UBE2E2: variants seen among roughly 807,000 people sequenced by gnomAD.
The protein encoded by UBE2E2 is ubiquitin conjugating enzyme E2 E2.
A neutral mutation model predicts 24.7 loss-of-function variants in UBE2E2; 6 were observed. That is an observed-to-expected ratio of 0.24 (90% CI 0.13 to 0.48). The LOEUF is 0.48. Among genes scored for constraint, UBE2E2 ranks in the 20% least tolerant of loss-of-function variants. UBE2E2 has a pLI of 0.99. For missense variants in UBE2E2, 169 were observed against 245.0 expected, an observed-to-expected ratio of 0.69 and a Z score of 2.07; for synonymous variants, 104 against 83.6, an observed-to-expected ratio of 1.24 and a Z score of -1.33.
At chr3:23,352,047 T>C (rs1195555013) in intron 3 of UBE2E2, among the ~76,000 whole-genome samples, 1 of 152,164 alleles carries the variant, frequency 6.6e-6, no homozygotes, top group Non-Finnish European at 1.5e-5. Flanking sequence ...CAGACCTCAG[T>C]GCAATCAAAC....
At chr3:23,422,566 C>T (rs1018628430) in intron 3 of UBE2E2, among the ~76,000 whole-genome samples, 4 of 152,194 alleles carry the variant, frequency 2.6e-5, no homozygotes, top group African/African-American at 9.7e-5. Flanking sequence ...GTGATGCTGT[C>T]TTCTGAGTCC....
In UBE2E2 at chr3:23,558,601, T is replaced by G. The variant is rs149024549; in HGVS notation, c.508+25900T>G. On this transcript the variant is annotated intron_variant, in intron 5 of 5. Coordinates refer to ENST00000396703, the MANE Select transcript of UBE2E2 (RefSeq NM_152653.4). The stretch of plus-strand genomic sequence containing the variant: ...TCATGGTTAATTTATAGAATCTTAT[T>G]CTTACTGTAACTTTTAAATTGGAGG... 2.3e-3 allele frequency among the ~76,000 whole-genome samples: 349 copies of G among 152,318 alleles called. 3 individuals carry two copies. The highest frequency in any genetic ancestry group is 8.0e-3 in the African/African-American group (333 of 41,580).
chr3:23,314,330 A>T (rs1694509165), intron 3 of UBE2E2, among the ~76,000 whole-genome samples: 1 of 152,044 alleles, frequency 6.6e-6, no homozygotes, highest in Admixed American at 6.6e-5. Context: ...TGATTTCATC[A>T]TGTTGTCCAG....
At chr3:23,340,577 C>A (rs1695353370) in intron 3 of UBE2E2, among the ~76,000 whole-genome samples, 1 of 151,956 alleles carries the variant, frequency 6.6e-6, no homozygotes, top group South Asian at 2.1e-4. Flanking sequence ...CACGTGAAAA[C>A]CATTTAATTT....
At chr3:23,386,611 A>C (rs1424222223) in intron 3 of UBE2E2, among the ~76,000 whole-genome samples, 1 of 152,228 alleles carries the variant, frequency 6.6e-6, no homozygotes, top group Non-Finnish European at 1.5e-5. Context: ...TCATGGATTT[A>C]TTTAAATGTA....
At chr3:23,578,487 A>C (rs1696396925) in intron 5 of UBE2E2, among the ~76,000 whole-genome samples, 5 of 152,252 alleles carry the variant, frequency 3.3e-5, no homozygotes, top group Admixed American at 2.6e-4. Flanking sequence ...ACATATGCTC[A>C]TTGCAGCACT....
At chr3:23,539,490 G>A (rs1695340106) in intron 5 of UBE2E2, among the ~76,000 whole-genome samples, 1 of 152,186 alleles carries the variant, frequency 6.6e-6, no homozygotes, top group African/African-American at 2.4e-5. Flanking sequence ...GGCCTTTGGA[G>A]AAATTACTTC....
At chr3:23,203,679 C>T (rs1269780855) in intron 1 of UBE2E2, among the ~76,000 whole-genome samples, 1 of 139,062 alleles carries the variant, frequency 7.2e-6, no homozygotes. Flanking sequence ...ACCCCTCCCC[C>T]TTCTTCCCAT....
chr3:23,556,454 T>TTAAA (rs1553620573), intron 5 of UBE2E2, among the ~76,000 whole-genome samples: 5 of 94,334 alleles, frequency 5.3e-5, no homozygotes, highest in South Asian at 6.2e-4. Flanking sequence ...AAAATTTATT[T>TTAAA]AAAAAAAAAA....
rs913711491 is a variant in UBE2E2, at chr3:23,522,288, G to A, written c.361-10266G>A. On this transcript the variant is annotated intron_variant, in intron 4 of 5. Coordinates refer to ENST00000396703, the MANE Select transcript of UBE2E2 (RefSeq NM_152653.4). Reference sequence around the variant, plus strand: ...TGGGACTACAGGCGCCCGCCACCACGCCCGGCTAATTTTGTGCATTTTTAG... The same window carrying A: ...TGGGACTACAGGCGCCCGCCACCACACCCGGCTAATTTTGTGCATTTTTAG... Among the ~76,000 whole-genome samples the A allele has an allele frequency of 4.0e-5, 6 of 151,872 alleles. No individual in the cohort carries two copies. The South Asian group carries it at 6.3e-4, about 16-fold the overall frequency.
At position 23,378,989 on chromosome 3, in the gene UBE2E2, G is replaced by A. The variant is rs528082820; in HGVS notation, c.228-120619G>A. On this transcript the variant is annotated intron_variant, in intron 3 of 5. Transcript: ENST00000396703. The stretch of plus-strand genomic sequence containing the variant: ...TTGCTGACATTTGTGCAACCCCTAT[G>A]TTGTGATCCATATACTTCTCAGTGA... Among the ~76,000 whole-genome samples the A allele has an allele frequency of 2.0e-5, 3 of 152,274 alleles. 1 individual carries two copies. The highest frequency in any genetic ancestry group is 7.2e-5 in the African/African-American group (3 of 41,544).
At chr3:23,365,222 G>A (rs1696222676) in intron 3 of UBE2E2, among the ~76,000 whole-genome samples, 1 of 152,158 alleles carries the variant, frequency 6.6e-6, no homozygotes, top group South Asian at 2.1e-4. Flanking sequence ...ACAAGGCAAG[G>A]ATGCCAACTC....
intron 3 of UBE2E2, among the ~76,000 whole-genome samples, chr3:23,493,301 T>C (rs1699538925): frequency 6.6e-6 from 1 of 152,192 alleles, no homozygotes. Flanking sequence ...CGAGAGCCTA[T>C]TTTCATGATT....
chr3:23,396,347 CATTTT>C (rs1445973289), intron 3 of UBE2E2, among the ~76,000 whole-genome samples: 7 of 127,250 alleles, frequency 5.5e-5, no homozygotes, highest in East Asian at 2.4e-4. Context: ...ATATATATAG[CATTTT>C]ATTTTATCTA....
intron 3 of UBE2E2, among the ~76,000 whole-genome samples, chr3:23,350,285 A>G (rs548705369): frequency 6.6e-6 from 1 of 152,356 alleles, no homozygotes; most frequent in African/African-American, 2.4e-5. Flanking sequence ...AAAGATGGGG[A>G]GAAAACAGAG....
At chr3:23,236,924 C>T (rs1697128616) in intron 3 of UBE2E2, among the ~76,000 whole-genome samples, 1 of 152,184 alleles carries the variant, frequency 6.6e-6, no homozygotes, top group Non-Finnish European at 1.5e-5. Context: ...CTTTCATTTG[C>T]TCTTCAAGGC....
chr3:23,352,251 T>C (rs1303859892), intron 3 of UBE2E2, among the ~76,000 whole-genome samples: 2 of 151,988 alleles, frequency 1.3e-5, no homozygotes, highest in Admixed American at 1.3e-4. Context: ...GAGGGAAATT[T>C]ATAGCACTAA....
At chr3:23,437,908 A>C (rs956383817) in intron 3 of UBE2E2, among the ~76,000 whole-genome samples, 5 of 152,224 alleles carry the variant, frequency 3.3e-5, no homozygotes, top group Admixed American at 3.3e-4. Context: ...GAAATCAGCA[A>C]GTTTTAAACA....
chr3:23,242,542 T>A (rs1287819905), intron 3 of UBE2E2, among the ~76,000 whole-genome samples: 2 of 152,130 alleles, frequency 1.3e-5, no homozygotes, highest in African/African-American at 4.8e-5. Flanking sequence ...AATAAAAGCT[T>A]TCACCATTTT....
Sources: gnomAD v4.1 joint callset for allele counts (sites outside exome capture counted in the v4.1 genomes callset) on GRCh38, gnomAD v4.1.1 for gene constraint, MANE v1.5 for transcripts, NCBI Gene and HGNC (gene_info 2026-07-23, HGNC 2026-07-21) for gene names.